CTBS: variants seen among roughly 807,000 people sequenced by gnomAD.
CTBS encodes di-N-acetylchitobiase.
A neutral mutation model predicts 44.3 loss-of-function variants in CTBS; 35 were observed. That is an observed-to-expected ratio of 0.79 (90% CI 0.60 to 1.05). The LOEUF (loss-of-function observed/expected upper bound fraction) is 1.05. Ranked by LOEUF, CTBS falls within the 50% of genes least tolerant of loss-of-function variation. The probability of loss-of-function intolerance (pLI) is 0.00; values close to 1 mark genes in which losing one functional copy is unlikely to be tolerated. For synonymous variants in CTBS, 143 were observed against 168.0 expected, an observed-to-expected ratio of 0.85 and a Z score of 1.15; for missense variants, 458 against 475.3, an observed-to-expected ratio of 0.96 and a Z score of 0.34.
At position 84,550,270 on chromosome 1, in the gene CTBS, A is replaced by C; in HGVS notation, c.*4729T>G. ...TAAAATGCAAGAAATCAACAGAAAC[A>C]AATAGTAATTTCTCCAAAGCAATTT... On this transcript the variant is annotated 3_prime_UTR_variant, in exon 7 of 7. Coordinates refer to ENST00000370630, the MANE Select transcript of CTBS (RefSeq NM_004388.3). 1 of 392,680 alleles carries C rather than the reference A, an allele frequency of 2.5e-6. No homozygotes were observed. The highest frequency in any genetic ancestry group is 4.6e-6 in the Non-Finnish European group (1 of 217,334). The allele number at this position is 392,680 out of a possible 1,614,324, so 24.3% of individuals were successfully genotyped here. A position where few individuals can be genotyped will look rare whatever the true frequency, so the allele number is the denominator to read the frequency against.
At chr1:84,566,170 C>G (rs926056112) in intron 3 of CTBS, 158 bp from the exon 4 acceptor site, 4 of 350,400 alleles carry the variant, frequency 1.1e-5, no homozygotes, top group Non-Finnish European at 2.0e-5. Flanking sequence ...GAACTTGAAC[C>G]ATTCTAAGAA....
At chr1:84,555,232 G>A (rs779324470) in intron 6 of CTBS, 33 bp from the exon 7 acceptor site, 11 of 1,512,578 alleles carry the variant, frequency 7.3e-6, no homozygotes, top group Non-Finnish European at 9.1e-6. Context: ...AGATTTTAAA[G>A]TATTTAGTAC....
chr1:84,555,071 A>T lies in CTBS; in HGVS notation c.1086T>A (p.Ser362=). The T allele has an allele frequency of 6.2e-7, 1 of 1,614,056 alleles. No homozygotes were observed. ...GMWNANCLDY[S]GDAVAKQQTE... ...TTTGCTGTTTGGCTACAGCATCTCC[A>T]GAGTAGTCAAGACAGTTTGCATTCC... The change falls in exon 7 of 7, where the codon TCT becomes TCA. Residue 362 remains serine, a synonymous_variant. Coordinates refer to ENST00000370630, the MANE Select transcript of CTBS (RefSeq NM_004388.3).
chr1:84,563,529 G>T, intron 5 of CTBS, 111 bp from the exon 6 acceptor site: 1 of 790,506 alleles, frequency 1.3e-6, no homozygotes, highest in Non-Finnish European at 1.8e-6. Flanking sequence ...TAGAAAACCT[G>T]ACTATACAGA....
At chr1:84,562,333 C>G (rs181162224) in intron 6 of CTBS, among the ~76,000 whole-genome samples, 45 of 152,242 alleles carry the variant, frequency 3.0e-4, no homozygotes, top group African/African-American at 8.7e-4. Flanking sequence ...ACAATACACT[C>G]TAGTTTCACT....
chr1:84,566,752 C>T (rs113016659), intron 3 of CTBS, among the ~76,000 whole-genome samples: 2,448 of 152,302 alleles, frequency 0.016, 64 homozygotes, highest in African/African-American at 0.055. Flanking sequence ...CCTGCCTCAG[C>T]CTCCCACATA....
intron 4 of CTBS, 106 bp downstream of exon 4, chr1:84,565,735 T>C (rs80089235): frequency 0.039 from 22,149 of 568,750 alleles, 529 homozygotes; most frequent in Admixed American, 0.092. Flanking sequence ...AGCCTTACAA[T>C]TGAAAAACGT....
Position 84,569,084 on chromosome 1 carries a change from A to G in CTBS, c.525+847T>C, listed in dbSNP as rs527590426. ...ACAGGTTTAGGAATCACTGGTTTAT[A>G]ATACTCATAATGCTCTATACTGGAA... On this transcript the variant is annotated intron_variant, in intron 3 of 6. Transcript: ENST00000370630. Among the ~76,000 whole-genome samples, 15 of 152,342 alleles carry G rather than the reference A, an allele frequency of 9.8e-5. No individual in the cohort carries two copies. The South Asian group carries it at 2.9e-3, about 29-fold the overall frequency.
chr1:84,563,850 A>G lies in CTBS; in HGVS notation c.698-18T>C. Reference sequence around the variant, plus strand: ...ATTATATCCTAGTCAAGCAGGAGAGAAAAAGCATATTTGTTTCTCTTCATA... The same window carrying G: ...ATTATATCCTAGTCAAGCAGGAGAGGAAAAGCATATTTGTTTCTCTTCATA... On this transcript the variant is annotated intron_variant, in intron 4 of 6. Transcript: ENST00000370630. The G allele has an allele frequency of 6.3e-7, 1 of 1,594,682 alleles. No homozygotes were observed. The highest frequency in any genetic ancestry group is 8.5e-7 in the Non-Finnish European group (1 of 1,170,940).
intron 6 of CTBS, among the ~76,000 whole-genome samples, chr1:84,561,807 A>G (rs571118416): frequency 1.3e-5 from 2 of 152,366 alleles, no homozygotes; most frequent in East Asian, 1.9e-4. Flanking sequence ...TTTTTTAGCA[A>G]TAAAGTATTT....
chr1:84,563,336 GT>G lies in CTBS; in HGVS notation c.877del (p.Thr293ArgfsTer3). On this transcript the variant is annotated frameshift_variant, in exon 6 of 7. Transcript: ENST00000370630. LOFTEE classifies it high-confidence loss of function. ...DAAGRQVPYK[T>X]IMKQINSSIS... Reference sequence around the variant, plus strand: ...AGAACTATTTATTTGCTTCATGATCGTTTTGTAGGGCACCTGACGTCCTGCA... The same window carrying G: ...AGAACTATTTATTTGCTTCATGATCGTTTGTAGGGCACCTGACGTCCTGCA... The G allele has an allele frequency of 6.3e-7, 1 of 1,598,158 alleles. No homozygotes were observed. The highest frequency in any genetic ancestry group is 8.5e-7 in the Non-Finnish European group (1 of 1,172,722).
At chr1:84,573,829 T>C (rs980448533) in intron 1 of CTBS, 3 of 982,538 alleles carry the variant, frequency 3.1e-6, no homozygotes, top group African/African-American at 1.7e-5. Context: ...GTAAGCAAAA[T>C]ACTCTGCATT....
chr1:84,554,866 T>C lies in CTBS; in HGVS notation c.*133A>G. The C allele has an allele frequency of 1.4e-6, 1 of 714,674 alleles. No homozygotes were observed. Among genetic ancestry groups the C allele is most frequent in the Non-Finnish European group, 2.2e-6 (1 of 449,984 alleles). 44.3% of individuals were successfully genotyped at this position (714,674 alleles called of 1,614,324 possible). On this transcript the variant is annotated 3_prime_UTR_variant, in exon 7 of 7. Coordinates refer to ENST00000370630, the MANE Select transcript of CTBS (RefSeq NM_004388.3). ...GTGTGTATTTTTCAAATTCAAACAA[T>C]CAAAACATTTATTTATTCTTTTTTT...
At chr1:84,570,855 G>GT (rs1570476722) in intron 1 of CTBS, 135 bp from the exon 2 acceptor site, 16 of 741,618 alleles carry the variant, frequency 2.2e-5, no homozygotes, top group Non-Finnish European at 3.3e-5. Context: ...AGACATAGGG[G>GT]TCCCAAGATA....
At chr1:84,568,806 C>G (rs1647207516) in intron 3 of CTBS, among the ~76,000 whole-genome samples, 1 of 152,140 alleles carries the variant, frequency 6.6e-6, no homozygotes, top group African/African-American at 2.4e-5. Context: ...CCCACCCTCT[C>G]TCTTTCTCCT....
intron 6 of CTBS, among the ~76,000 whole-genome samples, chr1:84,560,576 C>T (rs970870352): frequency 1.3e-5 from 2 of 152,214 alleles, no homozygotes; most frequent in African/African-American, 2.4e-5. Flanking sequence ...GCAGAGACCC[C>T]TTTCTTCAAA....
chr1:84,567,303 C>A (rs1570474299), intron 3 of CTBS, among the ~76,000 whole-genome samples: 1 of 152,182 alleles, frequency 6.6e-6, no homozygotes, highest in South Asian at 2.1e-4. Context: ...TTATCACTGC[C>A]TCTTATTACA....
Position 84,554,900 on chromosome 1 carries a change from C to T in CTBS, c.*99G>A, listed in dbSNP as rs534701919. 38 of 884,382 alleles carry T rather than the reference C, an allele frequency of 4.3e-5. No homozygotes were observed. The highest frequency in any genetic ancestry group is 1.9e-4 in the African/African-American group (11 of 59,024). The allele number at this position is 884,382 out of a possible 1,614,324, so 54.8% of individuals were successfully genotyped here. A position where few individuals can be genotyped will look rare whatever the true frequency, so the allele number is the denominator to read the frequency against. The stretch of plus-strand genomic sequence containing the variant: ...TTATTTATTCTTTTTTTTTAGTATA[C>T]GGATAACAAAAGTATATAGCAACAT... On this transcript the variant is annotated 3_prime_UTR_variant, in exon 7 of 7. Transcript: ENST00000370630.
intron 6 of CTBS, among the ~76,000 whole-genome samples, 195 bp from the exon 7 acceptor site, chr1:84,555,394 T>C (rs1283844709): frequency 2.0e-5 from 3 of 152,254 alleles, no homozygotes; most frequent in African/African-American, 7.2e-5. Flanking sequence ...CATGGTTCTA[T>C]ATTTGATACA....
Sources: allele counts gnomAD v4.1 joint callset (sites outside exome capture counted in the v4.1 genomes callset), GRCh38; gene constraint gnomAD v4.1.1; transcripts MANE v1.5; gene names NCBI Gene and HGNC (gene_info 2026-07-23, HGNC 2026-07-21).